The following ATP6V0D2 variants were observed in gnomAD, a reference collection of about 807,000 sequenced individuals.
The protein encoded by ATP6V0D2 is V-type proton ATPase subunit d 2.
In ATP6V0D2, 40 loss-of-function variants were observed where a neutral mutation model predicts 40.0. The observed-to-expected ratio is 1.00, with a 90% CI of 0.78 to 1.30. The LOEUF is 1.30. Ranked by LOEUF, ATP6V0D2 falls within the 50% of genes most tolerant of loss-of-function variation. The pLI, the probability that ATP6V0D2 is intolerant of heterozygous loss-of-function variation, is 0.00. For synonymous variants in ATP6V0D2, 179 were observed against 156.3 expected (o/e 1.15, Z -1.08); for missense variants, 470 against 423.1 (o/e 1.11, Z -0.97).
At chr8:86,105,090 C>G (rs1818451877) in intron 1 of ATP6V0D2, among the ~76,000 whole-genome samples, 2 of 148,264 alleles carry the variant, frequency 1.3e-5, no homozygotes, top group South Asian at 2.1e-4. Context: ...CCTACAGAAT[C>G]TATCATGGGA....
chr8:86,126,535 C>G (rs1038889313), intron 2 of ATP6V0D2, among the ~76,000 whole-genome samples: 1 of 151,844 alleles, frequency 6.6e-6, no homozygotes, highest in African/African-American at 2.4e-5. Flanking sequence ...GTACTGGAAT[C>G]CAAGCCTTAT....
intron 2 of ATP6V0D2, 51 bp downstream of exon 2, chr8:86,113,931 A>G: frequency 1.3e-6 from 2 of 1,501,768 alleles, no homozygotes; most frequent in Non-Finnish European, 1.8e-6. Context: ...CGTGCGGATG[A>G]CCCCTAACAA....
In ATP6V0D2 at chr8:86,139,639, G is replaced by A. The variant is rs983168664; in HGVS notation, c.481+4G>A. 6.4e-7 allele frequency: 1 copy of A among 1,563,094 alleles called. No homozygotes were observed. Among genetic ancestry groups the A allele is most frequent in the African/African-American group, 1.4e-5 (1 of 72,972 alleles). On this transcript the variant is annotated splice_donor_region_variant and intron_variant, in intron 3 of 7. Transcript: ENST00000285393. ...ATTCTGATCGAAACGCCATTAGGTA[G>A]GAACACTTAGGTAATTTTGTAGCTG...
chr8:86,133,167 T>A (rs2130262522), intron 2 of ATP6V0D2, among the ~76,000 whole-genome samples: 1 of 152,106 alleles, frequency 6.6e-6, no homozygotes, highest in Middle Eastern at 3.4e-3. Flanking sequence ...TCTCGGATTT[T>A]CCTTCGGGTT....
intron 5 of ATP6V0D2, among the ~76,000 whole-genome samples, chr8:86,149,052 G>GAA (rs1166858589): frequency 0.29 from 19,908 of 68,424 alleles, 4,390 homozygotes; most frequent in East Asian, 0.4. Context: ...ATCTCCAAAG[G>GAA]AAGAAAAAAA....
At chr8:86,128,431 G>T (rs1165976788) in intron 2 of ATP6V0D2, among the ~76,000 whole-genome samples, 1 of 152,218 alleles carries the variant, frequency 6.6e-6, no homozygotes, top group African/African-American at 2.4e-5. Flanking sequence ...CACAATGTGT[G>T]TACACAGTGA....
intron 1 of ATP6V0D2, among the ~76,000 whole-genome samples, chr8:86,109,950 A>G (rs753356017): frequency 6.6e-6 from 1 of 152,166 alleles, no homozygotes; most frequent in Non-Finnish European, 1.5e-5. Flanking sequence ...TCTCAGGATA[A>G]ACATGGCATA....
In ATP6V0D2 at chr8:86,153,012, AT is replaced by A. The variant is rs746547441; in HGVS notation, c.*36del. 1.7e-5 allele frequency: 25 copies of A among 1,514,864 alleles called. No individual in the cohort carries two copies. The South Asian group carries it at 3.3e-4, about 20-fold the overall frequency. 93.8% of individuals were successfully genotyped at this position (1,514,864 alleles called of 1,614,324 possible). On this transcript the variant is annotated 3_prime_UTR_variant, in exon 8 of 8. Coordinates refer to ENST00000285393, the MANE Select transcript of ATP6V0D2 (RefSeq NM_152565.1). ...GGTTCTCAAATGTAGAAAATTATAA[AT>A]GTTAAAAGGAAGTTATTGAAGAAAA...
intron 6 of ATP6V0D2, 93 bp from the exon 7 acceptor site, chr8:86,151,373 A>C (rs946538159): frequency 1.1e-6 from 1 of 889,422 alleles, no homozygotes; most frequent in Non-Finnish European, 1.7e-6. Context: ...TTTTTTAAAT[A>C]GGTACACAAT....
At chr8:86,101,120 C>T (rs1252065607) in intron 1 of ATP6V0D2, among the ~76,000 whole-genome samples, 3 of 145,924 alleles carry the variant, frequency 2.1e-5, no homozygotes, top group African/African-American at 7.7e-5. Context: ...GCACTCCAGC[C>T]TGGGTGACAC....
chr8:86,126,745 G>A (rs1269566945), intron 2 of ATP6V0D2, among the ~76,000 whole-genome samples: 2 of 152,118 alleles, frequency 1.3e-5, no homozygotes, highest in Non-Finnish European at 1.5e-5. Context: ...ACTAGAATAT[G>A]GCCTTAAAGG....
intron 2 of ATP6V0D2, among the ~76,000 whole-genome samples, chr8:86,133,511 C>T (rs921654601): frequency 7.3e-5 from 11 of 151,362 alleles, no homozygotes; most frequent in African/African-American, 1.2e-4. Flanking sequence ...TTAGTAGAGA[C>T]GAGGTTTCAC....
chr8:86,128,812 T>A (rs1375913382), intron 2 of ATP6V0D2, among the ~76,000 whole-genome samples: 1 of 152,208 alleles, frequency 6.6e-6, no homozygotes, highest in African/African-American at 2.4e-5. Context: ...TCTTCTTTTT[T>A]GGTGTCCCAG....
intron 1 of ATP6V0D2, among the ~76,000 whole-genome samples, chr8:86,111,300 C>A (rs1421992636): frequency 6.6e-6 from 1 of 152,030 alleles, no homozygotes; most frequent in Non-Finnish European, 1.5e-5. Flanking sequence ...GATCTTCCCA[C>A]CTCTGCCTCC....
intron 2 of ATP6V0D2, among the ~76,000 whole-genome samples, chr8:86,126,171 A>C (rs1212443898): frequency 6.2e-5 from 9 of 144,856 alleles, no homozygotes; most frequent in African/African-American, 2.2e-4. Flanking sequence ...TCCTGACCTC[A>C]AGTGAGCCAC....
chr8:86,147,707 A>C (rs1351363009), intron 5 of ATP6V0D2, among the ~76,000 whole-genome samples: 1 of 152,248 alleles, frequency 6.6e-6, no homozygotes, highest in African/African-American at 2.4e-5. Flanking sequence ...CAGGGTTCAA[A>C]GGGAATCATA....
intron 1 of ATP6V0D2, 27 bp from the exon 2 acceptor site, chr8:86,113,682 C>A: frequency 1.3e-6 from 2 of 1,556,128 alleles, no homozygotes; most frequent in Non-Finnish European, 8.7e-7. Flanking sequence ...AAAATTTAAC[C>A]TGAATTGGGG....
chr8:86,151,413 A>G, intron 6 of ATP6V0D2, 53 bp from the exon 7 acceptor site: 1 of 1,188,156 alleles, frequency 8.4e-7, no homozygotes. Context: ...ATATATTTAT[A>G]TACATTTATA....
intron 5 of ATP6V0D2, 68 bp from the exon 6 acceptor site, chr8:86,150,044 C>A: frequency 7.2e-7 from 1 of 1,379,540 alleles, no homozygotes; most frequent in South Asian, 1.3e-5. Flanking sequence ...TGAATGTGTG[C>A]ACTTAAGAGT....
Sources: gnomAD v4.1 joint callset for allele counts (sites outside exome capture counted in the v4.1 genomes callset) on GRCh38, gnomAD v4.1.1 for gene constraint, MANE v1.5 for transcripts, NCBI Gene and HGNC (gene_info 2026-07-23, HGNC 2026-07-21) for gene names.